Variants in ATXN7 observed in about 807,000 individuals in gnomAD.
ATXN7 encodes ataxin-7.
Under a neutral mutation model 70.5 loss-of-function variants are expected in ATXN7, and 12 were observed. That is an observed-to-expected ratio of 0.17 (90% CI 0.11 to 0.28). ATXN7 has a LOEUF of 0.28. ATXN7 is among the 10% of genes least tolerant of loss of function. ATXN7 has a pLI of 1.00. For synonymous variants in ATXN7, 498 were observed against 448.7 expected, an observed-to-expected ratio of 1.11 and a Z score of -1.39; for missense variants, 1,256 against 1,131.7, an observed-to-expected ratio of 1.11 and a Z score of -1.58.
chr3:63,899,939 T>C (rs864975), intron 2 of ATXN7, among the ~76,000 whole-genome samples: 129,083 of 152,118 alleles, frequency 0.85, 55,004 homozygotes, highest in Admixed American at 0.91. Flanking sequence ...AAAAAATTAG[T>C]CAAGCACAGT....
chr3:63,881,910 G>T (rs567831729), intron 1 of ATXN7, among the ~76,000 whole-genome samples: 2 of 152,306 alleles, frequency 1.3e-5, no homozygotes, highest in South Asian at 4.1e-4. Context: ...AACACTGTGG[G>T]GAGTCCTTGA....
intron 4 of ATXN7, among the ~76,000 whole-genome samples, chr3:63,914,995 A>G (rs1704206177): frequency 6.6e-6 from 1 of 152,016 alleles, no homozygotes; most frequent in Admixed American, 6.5e-5. Flanking sequence ...GGCTCAGTGC[A>G]ACCTCCACCT....
chr3:63,971,906 A>G (rs1038754153), intron 5 of ATXN7, among the ~76,000 whole-genome samples: 7 of 152,228 alleles, frequency 4.6e-5, no homozygotes, highest in Admixed American at 2.0e-4. Flanking sequence ...GATGTGTAAG[A>G]AAAAAGTGCT....
chr3:63,951,951 T>TC (rs1384685963), intron 4 of ATXN7, among the ~76,000 whole-genome samples: 1 of 152,224 alleles, frequency 6.6e-6, no homozygotes, highest in African/African-American at 2.4e-5. Context: ...TTCCTCTGTC[T>TC]CTGCTCCCTT....
chr3:63,999,388 A>C lies in ATXN7; in HGVS notation c.2662-62A>C, dbSNP rs575356558. On this transcript the variant is annotated intron_variant, in intron 12 of 12. Transcript: ENST00000674280. Reference sequence around the variant, plus strand: ...GAATATTCTTGTTTAGAATCAATAGAGTGCAGTGTACAAACGCTTACTTAC... The same window carrying C: ...GAATATTCTTGTTTAGAATCAATAGCGTGCAGTGTACAAACGCTTACTTAC... The C allele has an allele frequency of 1.9e-4, 249 of 1,303,692 alleles. No homozygotes were observed. In the African/African-American group the frequency reaches 3.3e-3, roughly 18 times the overall value. 80.8% of individuals were successfully genotyped at this position (1,303,692 alleles called of 1,614,324 possible).
intron 1 of ATXN7, among the ~76,000 whole-genome samples, chr3:63,871,889 A>G (rs1387855150): frequency 6.6e-6 from 1 of 152,060 alleles, no homozygotes; most frequent in East Asian, 1.9e-4. Flanking sequence ...TTATAATTTA[A>G]TGCTTTAATT....
At chr3:63,967,839 T>G (rs1444429152) in intron 5 of ATXN7, 3 of 1,526,132 alleles carry the variant, frequency 2.0e-6, no homozygotes, top group East Asian at 4.9e-5. Flanking sequence ...TATTTGGAGT[T>G]GGTGGGCAGA....
intron 2 of ATXN7, among the ~76,000 whole-genome samples, chr3:63,906,434 T>G (rs1703842114): frequency 6.6e-6 from 1 of 152,236 alleles, no homozygotes; most frequent in Non-Finnish European, 1.5e-5. Flanking sequence ...GAGACATGGT[T>G]ACAACTCGTC....
chr3:63,997,520 C>T (rs1336358196), intron 12 of ATXN7: 1 of 978,278 alleles, frequency 1.0e-6, no homozygotes, highest in Non-Finnish European at 1.6e-6. Context: ...TGTCTCGTCC[C>T]AGCTCTTCTG....
chr3:63,878,964 C>CT (rs1334923153), intron 1 of ATXN7, among the ~76,000 whole-genome samples: 1 of 152,202 alleles, frequency 6.6e-6, no homozygotes, highest in African/African-American at 2.4e-5. Context: ...GCAGGTGAAT[C>CT]TATGATGCTG....
chr3:63,863,645 C>A, upstream of ATXN7: 1 of 1,213,720 alleles, frequency 8.2e-7, no homozygotes, highest in South Asian at 3.7e-5. Context: ...TCGGGAAGGC[C>A]GAAGCGCTCT....
intron 4 of ATXN7, among the ~76,000 whole-genome samples, chr3:63,931,099 T>TTTTG (rs538562459): frequency 0.024 from 3,584 of 151,858 alleles, 70 homozygotes; most frequent in South Asian, 0.077. Context: ...ACAGTAGAAG[T>TTTTG]TTTGTTTGTT....
chr3:63,974,000 A>C (rs1023400846), intron 5 of ATXN7, among the ~76,000 whole-genome samples: 3 of 152,168 alleles, frequency 2.0e-5, no homozygotes, highest in African/African-American at 7.2e-5. Context: ...TGGGAAGACA[A>C]ATTCTTAATC....
chr3:63,875,368 A>C (rs1174774356), intron 1 of ATXN7, among the ~76,000 whole-genome samples: 3 of 152,164 alleles, frequency 2.0e-5, no homozygotes, highest in Non-Finnish European at 4.4e-5. Context: ...CTGGGATTAC[A>C]GGTGTGAGCC....
chr3:63,933,499 T>G (rs1180914328), intron 4 of ATXN7, among the ~76,000 whole-genome samples: 2 of 152,146 alleles, frequency 1.3e-5, no homozygotes, highest in Non-Finnish European at 2.9e-5. Flanking sequence ...TTTGCCACCT[T>G]GTTGTTGACT....
chr3:63,964,968 A>G (rs1339335852), intron 5 of ATXN7, among the ~76,000 whole-genome samples: 1 of 152,154 alleles, frequency 6.6e-6, no homozygotes, highest in Non-Finnish European at 1.5e-5. Context: ...TTCCTGTAAA[A>G]TGGAGAACTG....
At chr3:63,896,117 T>C (rs1703438603) in intron 1 of ATXN7, among the ~76,000 whole-genome samples, 1 of 152,036 alleles carries the variant, frequency 6.6e-6, no homozygotes, top group South Asian at 2.1e-4. Flanking sequence ...GAGTTGAGAA[T>C]TACTTAGTGC....
chr3:63,892,159 C>T (rs1703288559), intron 1 of ATXN7, among the ~76,000 whole-genome samples: 2 of 152,136 alleles, frequency 1.3e-5, no homozygotes. Context: ...CAGAGTAAAA[C>T]GCGTGCTAGC....
chr3:63,866,226 CTGAAAAT>C (rs1702422868), intron 1 of ATXN7, among the ~76,000 whole-genome samples: 1 of 151,988 alleles, frequency 6.6e-6, no homozygotes, highest in Admixed American at 6.6e-5. Flanking sequence ...TGAGCTGTAC[CTGAAAAT>C]AAACATTCCT....
Sources: allele counts gnomAD v4.1 joint callset (sites outside exome capture counted in the v4.1 genomes callset), GRCh38; gene constraint gnomAD v4.1.1; transcripts MANE v1.5; gene names NCBI Gene and HGNC (gene_info 2026-07-23, HGNC 2026-07-21).